Variants in FSHR observed in about 807,000 individuals in gnomAD.
FSHR encodes follicle stimulating hormone receptor, also known as follicle-stimulating hormone receptor.
Under a neutral mutation model 52.1 loss-of-function variants are expected in FSHR, and 46 were observed. That is an observed-to-expected ratio of 0.88 (90% CI 0.70 to 1.13). The LOEUF (loss-of-function observed/expected upper bound fraction) is 1.13, where lower values mean the gene tolerates loss of function less well. FSHR is among the 50% of genes most tolerant of loss of function. FSHR has a pLI of 0.00. For missense variants in FSHR, 964 were observed against 834.6 expected (o/e 1.16, Z -1.91); for synonymous variants, 399 against 309.6 (o/e 1.29, Z -3.03).
intron 1 of FSHR, among the ~76,000 whole-genome samples, chr2:49,130,909 C>T (rs1453364459): frequency 3.3e-5 from 5 of 152,116 alleles, no homozygotes; most frequent in East Asian, 1.9e-4. Flanking sequence ...GTTCAAACTA[C>T]AGCAAAATAA....
At chr2:49,001,024 T>C (rs888838221) in intron 4 of FSHR, among the ~76,000 whole-genome samples, 1 of 152,160 alleles carries the variant, frequency 6.6e-6, no homozygotes, top group African/African-American at 2.4e-5. Flanking sequence ...ATGATCTCAT[T>C]TGACTTTACA....
At chr2:48,987,752 T>G (rs989495649) in intron 6 of FSHR, among the ~76,000 whole-genome samples, 6 of 152,108 alleles carry the variant, frequency 3.9e-5, no homozygotes, top group Non-Finnish European at 8.8e-5. Context: ...TTTTTTTCTT[T>G]GTATATCATT....
chr2:49,097,124 A>G (rs1041394544), intron 1 of FSHR, among the ~76,000 whole-genome samples: 5 of 152,170 alleles, frequency 3.3e-5, no homozygotes, highest in African/African-American at 1.2e-4. Flanking sequence ...TGAGGAATCC[A>G]TGGTCATTTG....
At chr2:49,125,056 T>G (rs538943507) in intron 1 of FSHR, among the ~76,000 whole-genome samples, 137 of 152,238 alleles carry the variant, frequency 9.0e-4, no homozygotes, top group Non-Finnish European at 1.0e-3. Flanking sequence ...TTGTCATCCC[T>G]CGGATACCCA....
chr2:49,149,830 T>C (rs2103858876), intron 1 of FSHR, among the ~76,000 whole-genome samples: 1 of 152,200 alleles, frequency 6.6e-6, no homozygotes, highest in South Asian at 2.1e-4. Context: ...TAAATGCTAG[T>C]GAAAAGAGAT....
intron 1 of FSHR, 88 bp from the exon 2 acceptor site, chr2:49,068,378 C>T: frequency 9.1e-7 from 1 of 1,099,540 alleles, no homozygotes; most frequent in Non-Finnish European, 1.4e-6. Context: ...AAACAGTTAC[C>T]ATATACTAAG....
At chr2:49,037,625 A>G (rs1668313843) in intron 2 of FSHR, among the ~76,000 whole-genome samples, 1 of 152,216 alleles carries the variant, frequency 6.6e-6, no homozygotes, top group Non-Finnish European at 1.5e-5. Flanking sequence ...ATACTAATAC[A>G]CGAATATAAA....
chr2:48,968,573 G>T, intron 9 of FSHR, 125 bp downstream of exon 9: 1 of 1,130,972 alleles, frequency 8.8e-7, no homozygotes, highest in Non-Finnish European at 1.3e-6. Context: ...CCCAGAATGT[G>T]CCAAAGGGCT....
At chr2:49,059,822 A>C (rs1238515387) in intron 2 of FSHR, among the ~76,000 whole-genome samples, 1 of 152,186 alleles carries the variant, frequency 6.6e-6, no homozygotes, top group Non-Finnish European at 1.5e-5. Flanking sequence ...TTCATGAATA[A>C]GACATCAAAA....
intron 4 of FSHR, among the ~76,000 whole-genome samples, chr2:49,009,076 G>A (rs1195936928): frequency 1.3e-5 from 2 of 150,920 alleles, no homozygotes; most frequent in East Asian, 3.9e-4. Flanking sequence ...CATTGCTTTT[G>A]GTGTTTTAGA....
chr2:49,012,650 C>T (rs928523208), intron 4 of FSHR, among the ~76,000 whole-genome samples: 2 of 152,112 alleles, frequency 1.3e-5, no homozygotes, highest in African/African-American at 2.4e-5. Flanking sequence ...TGATGATTAA[C>T]ATTTATCCTG....
chr2:49,040,538 CA>C (rs1235212166), intron 2 of FSHR, among the ~76,000 whole-genome samples: 1 of 152,156 alleles, frequency 6.6e-6, no homozygotes, highest in African/African-American at 2.4e-5. Context: ...ATCTGGTACA[CA>C]GTAGGTGCTC....
rs70946840 is a variant in FSHR at position 48,989,273 on chromosome 2, CTTTTTTTTT to C, written c.447-228_447-220del. 7.7e-3 allele frequency among the ~76,000 whole-genome samples: 925 copies of C among 120,756 alleles called. 5 individuals are homozygous for C. Among genetic ancestry groups the C allele is most frequent in the Middle Eastern group, 0.031 (7 of 228 alleles). The allele number at this position is 120,756 out of a possible 152,430, so 79.2% of individuals were successfully genotyped here. A position where few individuals can be genotyped will look rare whatever the true frequency, so the allele number is the denominator to read the frequency against. Reference sequence around the variant, plus strand: ...AAATGGAATTGCAGACATTCAGTGTCTTTTTTTTTTTTTTTTTTTTTTTTTAAGACAGGT... The same window carrying C: ...AAATGGAATTGCAGACATTCAGTGTCTTTTTTTTTTTTTTTTAAGACAGGT... On this transcript the variant is annotated intron_variant, in intron 5 of 9. Coordinates refer to ENST00000406846, the MANE Select transcript of FSHR (RefSeq NM_000145.4).
Position 49,045,790 on chromosome 2 carries a change from C to T in FSHR, c.224+22429G>A, listed in dbSNP as rs529280233. On this transcript the variant is annotated intron_variant, in intron 2 of 9. Transcript: ENST00000406846. ...TTTTTCCCCAGTGCCAAGTGCTCAA[C>T]GCTGAGTGGGAAGTATGAGAAATAT... Among the ~76,000 whole-genome samples the T allele has an allele frequency of 1.1e-4, 17 of 152,258 alleles. 1 individual carries two copies. Among genetic ancestry groups the T allele is most frequent in the Admixed American group, 7.9e-4 (12 of 15,284 alleles).
chr2:49,018,785 G>C (rs1466076727), intron 3 of FSHR, among the ~76,000 whole-genome samples: 1 of 152,054 alleles, frequency 6.6e-6, no homozygotes, highest in Admixed American at 6.6e-5. Context: ...AAAGGGAGAG[G>C]GGAGATTGCC....
chr2:49,113,338 T>A (rs911085503), intron 1 of FSHR, among the ~76,000 whole-genome samples: 6 of 152,156 alleles, frequency 3.9e-5, no homozygotes, highest in African/African-American at 1.4e-4. Context: ...GCACCAGGGG[T>A]GAGAGGCTGA....
chr2:49,053,548 T>A (rs1478431439), intron 2 of FSHR, among the ~76,000 whole-genome samples: 1 of 151,744 alleles, frequency 6.6e-6, no homozygotes, highest in Admixed American at 6.6e-5. Flanking sequence ...TTGCAGAGAG[T>A]TTAATGATTT....
In FSHR at chr2:49,154,465, ACCT is replaced by A. The variant is rs1673174886; in HGVS notation, c.-51_-49del. Reference sequence around the variant, plus strand: ...TTTCTTCCTGCATTTGCAGAGAAAAACCTCCACAGATCTCAGAAGCTCCACACA... The same window carrying A: ...TTTCTTCCTGCATTTGCAGAGAAAAACCACAGATCTCAGAAGCTCCACACA... On this transcript the variant is annotated 5_prime_UTR_variant, in exon 1 of 10. Coordinates refer to ENST00000406846, the MANE Select transcript of FSHR (RefSeq NM_000145.4). The A allele has an allele frequency of 6.3e-7, 1 of 1,596,914 alleles. No individual in the cohort carries two copies. Among genetic ancestry groups the A allele is most frequent in the African/African-American group, 1.3e-5 (1 of 74,496 alleles).
intron 1 of FSHR, among the ~76,000 whole-genome samples, chr2:49,153,747 C>T (rs7572787): frequency 0.14 from 21,893 of 151,998 alleles, 1,575 homozygotes; most frequent in Middle Eastern, 0.24. Flanking sequence ...CACCTTTTCT[C>T]TTCTCTACCA....
Sources: allele counts gnomAD v4.1 joint callset (sites outside exome capture counted in the v4.1 genomes callset), GRCh38; gene constraint gnomAD v4.1.1; transcripts MANE v1.5; gene names NCBI Gene and HGNC (gene_info 2026-07-23, HGNC 2026-07-21).